CAMTA1: variants seen among roughly 807,000 people sequenced by gnomAD.
The protein encoded by CAMTA1 is calmodulin binding transcription activator 1.
In CAMTA1, 27 loss-of-function variants were observed where a neutral mutation model predicts 170.9. That is an observed-to-expected ratio of 0.16 (90% confidence interval 0.12 to 0.22). The LOEUF (loss-of-function observed/expected upper bound fraction) is 0.22. CAMTA1 is among the 10% of genes least tolerant of loss of function. The pLI is 1.00. For missense variants in CAMTA1, 1,619 were observed against 2,217.2 expected (o/e 0.73, Z 5.42); for synonymous variants, 833 against 891.5 (o/e 0.93, Z 1.17).
At chr1:7,102,142 G>T (rs1367997408) in intron 4 of CAMTA1, among the ~76,000 whole-genome samples, 1 of 152,108 alleles carries the variant, frequency 6.6e-6, no homozygotes, top group South Asian at 2.1e-4. Flanking sequence ...GTGTCTTAGC[G>T]AGTTGAAATT....
At chr1:6,967,276 A>G (rs1183321624) in intron 3 of CAMTA1, among the ~76,000 whole-genome samples, 2 of 150,988 alleles carry the variant, frequency 1.3e-5, no homozygotes. Context: ...GGTTAAGCCC[A>G]TTGGAACCCA....
chr1:7,340,333 A>G (rs1438216807), intron 5 of CAMTA1, among the ~76,000 whole-genome samples: 2 of 152,022 alleles, frequency 1.3e-5, no homozygotes, highest in East Asian at 3.9e-4. Flanking sequence ...TCCTGCCCCC[A>G]CTAGCCTACC....
intron 11 of CAMTA1, among the ~76,000 whole-genome samples, chr1:7,718,353 A>C (rs1210865915): frequency 6.6e-6 from 1 of 152,166 alleles, no homozygotes; most frequent in African/African-American, 2.4e-5. Context: ...GCTAGGCGCC[A>C]CCAAACAAGC....
At chr1:7,147,059 T>C (rs1646238966) in intron 4 of CAMTA1, among the ~76,000 whole-genome samples, 1 of 151,044 alleles carries the variant, frequency 6.6e-6, no homozygotes, top group African/African-American at 2.4e-5. Context: ...CACTCAAATG[T>C]ATATCACACA....
Position 6,918,565 on chromosome 1 carries a change from TATCTGGCATTGGGAA to T in CAMTA1, c.234+93357_234+93371del, listed in dbSNP as rs1681331177. Among the ~76,000 whole-genome samples, 1 of 152,246 alleles carries T rather than the reference TATCTGGCATTGGGAA, an allele frequency of 6.6e-6. No individual in the cohort carries two copies. The highest frequency in any genetic ancestry group is 2.4e-5 in the African/African-American group (1 of 41,466). ...AATACTGTGGCTTCAAAACGGTATT[TATCTGGCATTGGGAA>T]ACCATCAACGCCAGCCTGCCTTGCC... On this transcript the variant is annotated intron_variant, in intron 3 of 22. Transcript: ENST00000303635. The surrounding 1 kb of genome is among the most constrained non-coding windows in gnomAD (Gnocchi z 4.0).
chr1:7,658,770 G>C lies in CAMTA1; in HGVS notation c.665-2956G>C, dbSNP rs145874173. Among the ~76,000 whole-genome samples the C allele has an allele frequency of 6.8e-3, 1,029 of 152,284 alleles. 5 individuals carry two copies. The highest frequency in any genetic ancestry group is 0.031 in the Middle Eastern group (9 of 294). ...CTTGGTAGAGGTTTATTTAAGAAAA[G>C]GGTCCCATAGCTATGATGAGGTTTA... On this transcript the variant is annotated intron_variant, in intron 7 of 22. Coordinates refer to ENST00000303635, the MANE Select transcript of CAMTA1 (RefSeq NM_015215.4).
intron 11 of CAMTA1, among the ~76,000 whole-genome samples, chr1:7,704,078 C>T (rs2096474628): frequency 6.6e-6 from 1 of 151,804 alleles, no homozygotes; most frequent in African/African-American, 2.4e-5. Context: ...CCTCGGGCCC[C>T]GGCCCCCTCC....
At chr1:7,088,014 A>G (rs373211483) in intron 3 of CAMTA1, among the ~76,000 whole-genome samples, 2 of 152,118 alleles carry the variant, frequency 1.3e-5, no homozygotes, top group African/African-American at 4.8e-5. Context: ...GGGAAGGGCC[A>G]TGGGCTGGGA....
chr1:6,858,561 A>G lies in CAMTA1; in HGVS notation c.234+33351A>G, dbSNP rs559324722. On this transcript the variant is annotated intron_variant, in intron 3 of 22. Transcript: ENST00000303635. ...GCCGGCATTATACTGGTGTGGTTAT[A>G]TATTAAATAAGTTAAATTTCTTGCA... 7.3e-5 allele frequency among the ~76,000 whole-genome samples: 11 copies of G among 151,300 alleles called. No individual in the cohort carries two copies. The East Asian group carries it at 2.1e-3, about 29-fold the overall frequency.
At chr1:7,185,411 G>C (rs1236510024) in intron 4 of CAMTA1, among the ~76,000 whole-genome samples, 1 of 152,188 alleles carries the variant, frequency 6.6e-6, no homozygotes, top group African/African-American at 2.4e-5. Context: ...CACTCATGGA[G>C]ATGTGGTAAA....
chr1:6,839,526 T>G (rs1654809394), intron 3 of CAMTA1, among the ~76,000 whole-genome samples: 1 of 152,200 alleles, frequency 6.6e-6, no homozygotes, highest in South Asian at 2.1e-4. Context: ...GAGGTTCCAA[T>G]TCTCATGGAG....
At chr1:7,336,558 G>C (rs1234622407) in intron 5 of CAMTA1, among the ~76,000 whole-genome samples, 1 of 152,230 alleles carries the variant, frequency 6.6e-6, no homozygotes, top group Non-Finnish European at 1.5e-5. Context: ...TGATTGCAGG[G>C]GTGGGCAGGG....
intron 5 of CAMTA1, among the ~76,000 whole-genome samples, chr1:7,409,294 T>A (rs1281851778): frequency 2.0e-5 from 3 of 152,158 alleles, no homozygotes; most frequent in African/African-American, 7.2e-5. Flanking sequence ...ATACTTCTTC[T>A]TGGAGGGAGG....
At chr1:7,081,848 T>C (rs2148029974) in intron 3 of CAMTA1, among the ~76,000 whole-genome samples, 1 of 152,328 alleles carries the variant, frequency 6.6e-6, no homozygotes, top group South Asian at 2.1e-4. Flanking sequence ...CATTGGCAGA[T>C]AAGCCAAATG....
At chr1:7,013,457 C>T (rs967913701) in intron 3 of CAMTA1, among the ~76,000 whole-genome samples, 8 of 152,208 alleles carry the variant, frequency 5.3e-5, no homozygotes, top group Admixed American at 3.9e-4. Flanking sequence ...AAGTGATCCA[C>T]CCACTTCAGT....
At position 7,766,543 on chromosome 1, in the gene CAMTA1, T is replaced by C. The variant is rs2097026301; in HGVS notation, c.*52T>C. 4 of 1,560,710 alleles carry C rather than the reference T, an allele frequency of 2.6e-6. No individual in the cohort carries two copies. The highest frequency in any genetic ancestry group is 1.4e-5 in the African/African-American group (1 of 73,832). On this transcript the variant is annotated 3_prime_UTR_variant, in exon 23 of 23. Transcript: ENST00000303635. ...TGTGACATTGCTTTTCAGACTGTTT[T>C]CATTTCTGTTTTTAGCAGAGACATG... is the stretch of plus-strand genomic sequence containing the variant.
intron 3 of CAMTA1, among the ~76,000 whole-genome samples, chr1:7,054,580 C>T (rs1310902041): frequency 2.6e-5 from 4 of 152,180 alleles, no homozygotes; most frequent in Non-Finnish European, 5.9e-5. Flanking sequence ...GCTGTGCATG[C>T]CGGTGGTGAG....
chr1:7,699,900 A>T (rs910489652), intron 11 of CAMTA1, among the ~76,000 whole-genome samples: 1 of 152,166 alleles, frequency 6.6e-6, no homozygotes, highest in Non-Finnish European at 1.5e-5. Flanking sequence ...TTGAGCTGTA[A>T]GAGTTCTCTT....
intron 6 of CAMTA1, among the ~76,000 whole-genome samples, chr1:7,612,027 G>GGTA (rs1215526827): frequency 6.6e-6 from 1 of 152,252 alleles, no homozygotes; most frequent in East Asian, 1.9e-4. Flanking sequence ...CTGGCCCCAT[G>GGTA]GTAGCATCTA....
Sources: gnomAD v4.1 joint callset for allele counts (sites outside exome capture counted in the v4.1 genomes callset) on GRCh38, gnomAD v4.1.1 for gene constraint, Gnocchi (gnomAD v3.1) non-coding constraint, MANE v1.5 for transcripts, NCBI Gene and HGNC (gene_info 2026-07-23, HGNC 2026-07-21) for gene names.